The following FRMD6 variants were observed in gnomAD, a reference collection of about 807,000 sequenced individuals.
FRMD6 encodes the protein FERM domain containing 6, also known as FERM domain-containing protein 6.
Under a neutral mutation model 73.2 loss-of-function variants are expected in FRMD6, and 37 were observed. The observed-to-expected ratio is 0.51, with a 90% CI of 0.39 to 0.66. The LOEUF (loss-of-function observed/expected upper bound fraction) is 0.66, where lower values mean the gene tolerates loss of function less well. Among genes scored for constraint, FRMD6 ranks in the 30% least tolerant of loss-of-function variants. The pLI is 0.00. For missense variants in FRMD6, 714 were observed against 780.5 expected, an observed-to-expected ratio of 0.91 and a Z score of 1.02; for synonymous variants, 273 against 282.2, an observed-to-expected ratio of 0.97 and a Z score of 0.33.
intron 1 of FRMD6, among the ~76,000 whole-genome samples, chr14:51,552,259 A>G (rs142258071): frequency 1.3e-5 from 2 of 152,372 alleles, no homozygotes; most frequent in South Asian, 2.1e-4. Flanking sequence ...CCTGTCTGTC[A>G]TAACTTTTCA....
intron 1 of FRMD6, among the ~76,000 whole-genome samples, chr14:51,664,198 C>T (rs1893417014): frequency 6.6e-6 from 1 of 152,210 alleles, no homozygotes; most frequent in Admixed American, 6.5e-5. Context: ...GTAGATGGCT[C>T]AGGTTAGTGA....
At chr14:51,669,774 T>A (rs955205008) in intron 1 of FRMD6, among the ~76,000 whole-genome samples, 20 of 152,196 alleles carry the variant, frequency 1.3e-4, no homozygotes, top group African/African-American at 4.8e-4. Flanking sequence ...TCCAAATATG[T>A]TTTGAAAATG....
At chr14:51,515,382 C>A (rs576702918) in intron 1 of FRMD6, among the ~76,000 whole-genome samples, 1 of 152,360 alleles carries the variant, frequency 6.6e-6, no homozygotes, top group South Asian at 2.1e-4. Flanking sequence ...CCTTTTGATG[C>A]CTACTGGCTG....
At chr14:51,444,208 C>T in the FRMD6 span, among the ~76,000 whole-genome samples, 2 of 152,226 alleles carry the variant, frequency 1.3e-5, no homozygotes, top group South Asian at 2.1e-4. Context: ...GGATTACAGG[C>T]GTGAGCCACC....
intron 1 of FRMD6, among the ~76,000 whole-genome samples, chr14:51,516,599 A>G (rs1884651665): frequency 6.6e-6 from 1 of 152,226 alleles, no homozygotes; most frequent in Non-Finnish European, 1.5e-5. Context: ...AACCCTTTAG[A>G]GCCCTGTCAT....
In FRMD6 at chr14:51,723,600, G is replaced by A. The variant is rs2140672225; in HGVS notation, c.1492+1520G>A. On this transcript the variant is annotated intron_variant, in intron 12 of 13. Coordinates refer to ENST00000344768, the MANE Select transcript of FRMD6 (RefSeq NM_001267046.2). ...GTTGGAGATCAGCCTGGCCAACGTG[G>A]TGAAACCCCATCTCTACTAAAATGC... is the stretch of plus-strand genomic sequence containing the variant. 2.6e-5 allele frequency among the ~76,000 whole-genome samples: 4 copies of A among 151,896 alleles called. 1 individual carries two copies.
At chr14:51,641,917 A>G (rs1008779799) in intron 2 of FRMD6, among the ~76,000 whole-genome samples, 2 of 111,188 alleles carry the variant, frequency 1.8e-5, no homozygotes, top group African/African-American at 6.0e-5. Context: ...ATGTTCTCGT[A>G]GGGGCAAAAT....
At chr14:51,595,348 A>G (rs1889651816) in intron 2 of FRMD6, among the ~76,000 whole-genome samples, 1 of 152,198 alleles carries the variant, frequency 6.6e-6, no homozygotes, top group Admixed American at 6.5e-5. Context: ...ATTTTCTCAG[A>G]TTATTCTACA....
the FRMD6 span, among the ~76,000 whole-genome samples, chr14:51,416,499 T>A: frequency 6.6e-6 from 1 of 152,256 alleles, no homozygotes; most frequent in Non-Finnish European, 1.5e-5. Flanking sequence ...CTAGTTTGAT[T>A]GCACTGTGGT....
intron 1 of FRMD6, among the ~76,000 whole-genome samples, chr14:51,665,476 A>G (rs1237082052): frequency 6.6e-6 from 1 of 151,962 alleles, no homozygotes; most frequent in East Asian, 1.9e-4. Flanking sequence ...TAATGCGTAC[A>G]CACTTCGTCT....
the FRMD6 span, among the ~76,000 whole-genome samples, chr14:51,405,237 T>G: frequency 2.6e-5 from 4 of 152,320 alleles, no homozygotes; most frequent in Non-Finnish European, 5.9e-5. Flanking sequence ...CAATGAACAC[T>G]TGTGCGCATG....
At chr14:51,690,017 G>A in intron 2 of FRMD6, 82 bp downstream of exon 2, 2 of 911,102 alleles carry the variant, frequency 2.2e-6, no homozygotes, top group Non-Finnish European at 3.6e-6. Context: ...GATTAAGGGT[G>A]AAATCTTTAC....
chr14:51,662,658 TA>T (rs1333682293), intron 1 of FRMD6, among the ~76,000 whole-genome samples: 1 of 152,172 alleles, frequency 6.6e-6, no homozygotes, highest in Non-Finnish European at 1.5e-5. Flanking sequence ...CAAAATGGAT[TA>T]AAAGCTTAAA....
chr14:51,423,588 A>G, the FRMD6 span, among the ~76,000 whole-genome samples: 4 of 152,128 alleles, frequency 2.6e-5, no homozygotes, highest in Non-Finnish European at 5.9e-5. Flanking sequence ...ACACTGGCCC[A>G]GGTGGTTAAA....
At chr14:51,590,931 C>T (rs1034078579) in intron 2 of FRMD6, among the ~76,000 whole-genome samples, 2 of 152,232 alleles carry the variant, frequency 1.3e-5, no homozygotes, top group Admixed American at 6.5e-5. Flanking sequence ...TCGCAGTCCC[C>T]TGTTGCCTTT....
the FRMD6 span, among the ~76,000 whole-genome samples, chr14:51,407,593 A>T: frequency 0.013 from 2,002 of 152,102 alleles, 27 homozygotes; most frequent in African/African-American, 0.033. Context: ...AATATACATT[A>T]AAAAAGGAAT....
At chr14:51,727,172 C>T (rs1039210694) in intron 13 of FRMD6, among the ~76,000 whole-genome samples, 6 of 152,080 alleles carry the variant, frequency 3.9e-5, no homozygotes, top group Non-Finnish European at 8.8e-5. Context: ...ACCAAGAACA[C>T]TTTATATTCA....
chr14:51,397,656 C>G, the FRMD6 span, among the ~76,000 whole-genome samples: 1 of 152,162 alleles, frequency 6.6e-6, no homozygotes. Context: ...CACCTGTAAT[C>G]TCAAACTCCA....
At chr14:51,722,184 G>GTCTCTGGTCT in intron 12 of FRMD6, 104 bp downstream of exon 12, 1 of 1,185,638 alleles carries the variant, frequency 8.4e-7, no homozygotes, top group Non-Finnish European at 1.2e-6. Flanking sequence ...CCCTAGACCA[G>GTCTCTGGTCT]AGACTGGACT....
Sources: allele counts gnomAD v4.1 joint callset (sites outside exome capture counted in the v4.1 genomes callset), GRCh38; gene constraint gnomAD v4.1.1; transcripts MANE v1.5; gene names NCBI Gene and HGNC (gene_info 2026-07-23, HGNC 2026-07-21).